ELAVL4: variants seen among roughly 807,000 people sequenced by gnomAD.
The protein encoded by ELAVL4 is ELAV like RNA binding protein 4, also known as ELAV-like protein 4.
Under a neutral mutation model 35.6 loss-of-function variants are expected in ELAVL4, and 1 was observed. That is an observed-to-expected ratio of 0.03 (90% CI 0.01 to 0.13). ELAVL4 has a LOEUF of 0.13. ELAVL4 is among the 10% of genes least tolerant of loss of function. ELAVL4 has a pLI of 1.00. For synonymous variants in ELAVL4, 156 were observed against 171.0 expected, an observed-to-expected ratio of 0.91 and a Z score of 0.69; for missense variants, 267 against 464.9, an observed-to-expected ratio of 0.57 and a Z score of 3.91.
chr1:50,110,026 T>C (rs1048235067), intron 1 of ELAVL4: 72 of 1,567,128 alleles, frequency 4.6e-5, no homozygotes, highest in Non-Finnish European at 5.9e-5. Flanking sequence ...TGTGTGTGTG[T>C]GCTTGTATGT....
intron 1 of ELAVL4, among the ~76,000 whole-genome samples, chr1:50,113,384 A>G (rs1425194479): frequency 6.6e-6 from 1 of 152,134 alleles, no homozygotes; most frequent in Non-Finnish European, 1.5e-5. Context: ...TAAAAAAAGA[A>G]ACAAATTGTC....
upstream of ELAVL4, among the ~76,000 whole-genome samples, chr1:50,101,421 T>C (rs567115220): frequency 4.5e-4 from 69 of 152,322 alleles, 1 homozygote; most frequent in South Asian, 0.014. Flanking sequence ...ATAGATTAAA[T>C]GAGATATCTT....
intron 2 of ELAVL4, among the ~76,000 whole-genome samples, chr1:50,149,700 C>T (rs1403484306): frequency 2.0e-5 from 3 of 151,870 alleles, no homozygotes; most frequent in African/African-American, 7.3e-5. Flanking sequence ...CCCGCCACCA[C>T]GCCTGGCTAA....
intron 1 of ELAVL4, among the ~76,000 whole-genome samples, chr1:50,061,375 TTA>T (rs1310463350): frequency 1.3e-5 from 2 of 152,192 alleles, no homozygotes; most frequent in Non-Finnish European, 2.9e-5. Context: ...ATTTACACAT[TTA>T]TGTTTCCTAC....
intron 2 of ELAVL4, among the ~76,000 whole-genome samples, chr1:50,163,046 TCAA>T (rs1209411607): frequency 1.3e-5 from 2 of 152,212 alleles, no homozygotes; most frequent in Non-Finnish European, 2.9e-5. Context: ...CAGGTTGACA[TCAA>T]CAACAAGTGG....
intron 2 of ELAVL4, among the ~76,000 whole-genome samples, chr1:50,150,682 T>C (rs1030417481): frequency 2.6e-5 from 4 of 152,164 alleles, no homozygotes; most frequent in Non-Finnish European, 5.9e-5. Flanking sequence ...ACTGGACTTA[T>C]AGGAACACTA....
chr1:50,142,813 C>T (rs1359874169), intron 1 of ELAVL4, among the ~76,000 whole-genome samples: 11 of 152,128 alleles, frequency 7.2e-5, no homozygotes, highest in Admixed American at 6.5e-4. Flanking sequence ...AAATGTTGTA[C>T]ATAACGCTCA....
At chr1:50,073,647 T>C (rs1013569251) in intron 1 of ELAVL4, among the ~76,000 whole-genome samples, 19 of 151,980 alleles carry the variant, frequency 1.3e-4, no homozygotes, top group Non-Finnish European at 2.4e-4. Context: ...CACACACACA[T>C]GCACAAACAC....
chr1:50,111,439 T>G (rs1166427822), intron 1 of ELAVL4, among the ~76,000 whole-genome samples: 1 of 151,982 alleles, frequency 6.6e-6, no homozygotes, highest in African/African-American at 2.4e-5. Context: ...AGGAAAAATA[T>G]AGGTAGAATA....
chr1:50,071,209 T>C (rs1557686150), intron 1 of ELAVL4, among the ~76,000 whole-genome samples: 1 of 152,244 alleles, frequency 6.6e-6, no homozygotes, highest in Non-Finnish European at 1.5e-5. Flanking sequence ...GTTTTCCTTA[T>C]ACTACTTATT....
At chr1:50,050,549 GCATAATAGCA>G (rs1420756939) in intron 1 of ELAVL4, among the ~76,000 whole-genome samples, 4 of 152,270 alleles carry the variant, frequency 2.6e-5, no homozygotes, top group Non-Finnish European at 5.9e-5. Flanking sequence ...GCCTAATTCT[GCATAATAGCA>G]TACCTTCTTC....
At chr1:50,170,139 CCA>C (rs1449059309) in intron 2 of ELAVL4, among the ~76,000 whole-genome samples, 1 of 152,140 alleles carries the variant, frequency 6.6e-6, no homozygotes, top group Non-Finnish European at 1.5e-5. Flanking sequence ...TTCACATAGA[CCA>C]CAGTGTCAGA....
chr1:50,142,037 C>A (rs1672905385), intron 1 of ELAVL4, among the ~76,000 whole-genome samples: 1 of 152,150 alleles, frequency 6.6e-6, no homozygotes. Context: ...TGCCTCTGGG[C>A]CCTTTGTATT....
At chr1:50,069,364 CT>C (rs1664409721) in intron 1 of ELAVL4, among the ~76,000 whole-genome samples, 1 of 152,132 alleles carries the variant, frequency 6.6e-6, no homozygotes, top group South Asian at 2.1e-4. Context: ...AGCTTATTTT[CT>C]TGTTAATTCT....
chr1:50,054,485 A>G (rs1441597523), intron 1 of ELAVL4, among the ~76,000 whole-genome samples: 1 of 152,142 alleles, frequency 6.6e-6, no homozygotes, highest in Non-Finnish European at 1.5e-5. Flanking sequence ...AGAAAGAATA[A>G]ATTCCAGTGT....
chr1:50,095,553 TAC>T lies in ELAVL4; in HGVS notation c.18+47385_18+47386del, dbSNP rs550327259. Among the ~76,000 whole-genome samples, 7 of 151,774 alleles carry T rather than the reference TAC, an allele frequency of 4.6e-5. No individual in the cohort carries two copies. In the East Asian group the frequency reaches 9.7e-4, roughly 21 times the overall value. The stretch of plus-strand genomic sequence containing the variant: ...TTATATTTATATAATATATAATTTT[TAC>T]ACACACACACACATACAGCCACACA... On this transcript the variant is annotated intron_variant, in intron 1 of 6. Transcript: ENST00000448907.
chr1:50,128,380 G>T (rs1355519711), intron 1 of ELAVL4, among the ~76,000 whole-genome samples: 1 of 152,152 alleles, frequency 6.6e-6, no homozygotes, highest in Non-Finnish European at 1.5e-5. Flanking sequence ...GCAAAGTGGT[G>T]ATGAACAGGC....
intron 1 of ELAVL4, among the ~76,000 whole-genome samples, chr1:50,049,794 T>A (rs1361914388): frequency 1.3e-5 from 2 of 152,182 alleles, no homozygotes; most frequent in African/African-American, 4.8e-5. Flanking sequence ...ACTCTAGAAA[T>A]ACATGAGGGA....
chr1:50,088,416 G>T (rs892653808), intron 1 of ELAVL4, among the ~76,000 whole-genome samples: 4 of 152,116 alleles, frequency 2.6e-5, no homozygotes, highest in Non-Finnish European at 4.4e-5. Context: ...ATCCTTTTGG[G>T]AGGTCCTCCA....
Sources: allele counts gnomAD v4.1 joint callset (sites outside exome capture counted in the v4.1 genomes callset), GRCh38; gene constraint gnomAD v4.1.1; transcripts MANE v1.5; gene names NCBI Gene and HGNC (gene_info 2026-07-23, HGNC 2026-07-21).